SORCS1: variants seen among roughly 807,000 people sequenced by gnomAD.
SORCS1 encodes the protein VPS10 domain-containing receptor SorCS1.
SORCS1 carries 60 observed loss-of-function variants against 146.1 expected under a neutral mutation model. The ratio of observed to expected loss-of-function variants is 0.41; its 90% CI spans 0.33 to 0.51. SORCS1 has a LOEUF of 0.51. Ranked by LOEUF, SORCS1 falls within the 20% of genes least tolerant of loss-of-function variation. SORCS1 has a pLI of 0.21. For missense variants in SORCS1, 1,352 were observed against 1,487.6 expected (o/e 0.91, Z 1.50); for synonymous variants, 637 against 584.0 (o/e 1.09, Z -1.31).
intron 2 of SORCS1, among the ~76,000 whole-genome samples, chr10:106,864,415 C>T (rs909456631): frequency 6.6e-6 from 1 of 152,152 alleles, no homozygotes; most frequent in Non-Finnish European, 1.5e-5. Context: ...TGAACCCACT[C>T]CACCATGGCC....
At chr10:106,664,291 GA>G (rs2135403690) in intron 17 of SORCS1, among the ~76,000 whole-genome samples, 1 of 152,168 alleles carries the variant, frequency 6.6e-6, no homozygotes, top group East Asian at 1.9e-4. Flanking sequence ...TATTCTTTTT[GA>G]ATATAAAATT....
chr10:106,762,797 A>G (rs1041861502), intron 4 of SORCS1, among the ~76,000 whole-genome samples: 2 of 151,720 alleles, frequency 1.3e-5, no homozygotes, highest in Non-Finnish European at 2.9e-5. Flanking sequence ...ATGGGTGACA[A>G]CTCCCCTCAT....
intron 3 of SORCS1, among the ~76,000 whole-genome samples, chr10:106,806,057 C>A (rs1372815603): frequency 6.3e-5 from 4 of 63,350 alleles, no homozygotes; most frequent in Non-Finnish European, 1.4e-4. Context: ...TAGACTCCGT[C>A]TCAAAAAAAA....
chr10:107,047,320 A>G (rs1312742214), intron 1 of SORCS1, among the ~76,000 whole-genome samples: 1 of 152,172 alleles, frequency 6.6e-6, no homozygotes, highest in East Asian at 1.9e-4. Flanking sequence ...TAAAGTCCAG[A>G]TGTCAGTAGA....
chr10:106,674,308 G>A (rs1056182888), intron 14 of SORCS1, among the ~76,000 whole-genome samples: 19 of 89,776 alleles, frequency 2.1e-4, no homozygotes, highest in Admixed American at 2.0e-3. Flanking sequence ...CAGCCTGGGC[G>A]ACAGAGTAAG....
intron 8 of SORCS1, among the ~76,000 whole-genome samples, chr10:106,705,834 G>A (rs1455381492): frequency 1.3e-5 from 2 of 152,142 alleles, no homozygotes; most frequent in Non-Finnish European, 2.9e-5. Context: ...AACAGTTGAG[G>A]GTCTTTAACT....
At chr10:106,826,088 G>A (rs1419964393) in intron 3 of SORCS1, among the ~76,000 whole-genome samples, 1 of 152,198 alleles carries the variant, frequency 6.6e-6, no homozygotes, top group Non-Finnish European at 1.5e-5. Flanking sequence ...TCTGATCCCC[G>A]GTAGTACCCC....
At chr10:106,825,868 C>T (rs552363806) in intron 3 of SORCS1, among the ~76,000 whole-genome samples, 5 of 152,262 alleles carry the variant, frequency 3.3e-5, no homozygotes, top group African/African-American at 1.2e-4. Context: ...TGCAGGTTTC[C>T]TTTGAAAGAA....
chr10:106,713,488 C>A (rs1430147697), intron 6 of SORCS1, among the ~76,000 whole-genome samples: 1 of 150,688 alleles, frequency 6.6e-6, no homozygotes, highest in Admixed American at 6.6e-5. Context: ...AATAACATAC[C>A]CTTTTCATGT....
intron 1 of SORCS1, among the ~76,000 whole-genome samples, chr10:107,014,210 C>T (rs553707265): frequency 2.0e-5 from 3 of 146,888 alleles, no homozygotes; most frequent in Admixed American, 1.4e-4. Flanking sequence ...CAAGATCATG[C>T]CACTGCATTC....
At chr10:107,133,065 A>C (rs1343172668) in intron 1 of SORCS1, among the ~76,000 whole-genome samples, 1 of 152,194 alleles carries the variant, frequency 6.6e-6, no homozygotes, top group African/African-American at 2.4e-5. Flanking sequence ...AAGACGTACA[A>C]ATTTATTACA....
In SORCS1 at chr10:107,124,953, CTT is replaced by C. The variant is rs577523339; in HGVS notation, c.558+39014_558+39015del. ...TCTTTTCTTTCTTTCTTTTCTTTTT[CTT>C]TTTTTTTTTTTTTTTTGAGATGGAG... On this transcript the variant is annotated intron_variant, in intron 1 of 25. Transcript: ENST00000263054. Among the ~76,000 whole-genome samples, 783 of 121,586 alleles carry C rather than the reference CTT, an allele frequency of 6.4e-3. 7 individuals carry two copies. Among genetic ancestry groups the C allele is most frequent in the African/African-American group, 0.024 (718 of 30,192 alleles). The allele number at this position is 121,586 out of a possible 152,430, so 79.8% of individuals were successfully genotyped here.
At chr10:107,163,204 T>A (rs568246759) in intron 1 of SORCS1, among the ~76,000 whole-genome samples, 11 of 152,316 alleles carry the variant, frequency 7.2e-5, no homozygotes, top group African/African-American at 2.6e-4. Flanking sequence ...GTTAAGTCTT[T>A]ATTTGTGCTC....
intron 1 of SORCS1, among the ~76,000 whole-genome samples, chr10:107,115,753 T>C (rs1255743327): frequency 6.6e-6 from 1 of 151,568 alleles, no homozygotes; most frequent in Non-Finnish European, 1.5e-5. Context: ...CAAATGGGAG[T>C]ACATAAAACC....
intron 5 of SORCS1, among the ~76,000 whole-genome samples, chr10:106,757,192 A>G (rs964065271): frequency 6.6e-5 from 10 of 152,206 alleles, no homozygotes; most frequent in Non-Finnish European, 1.5e-5. Context: ...TGGCATGACC[A>G]TTGCTACCAG....
chr10:106,683,003 G>C (rs936411838), intron 10 of SORCS1, among the ~76,000 whole-genome samples: 1 of 152,152 alleles, frequency 6.6e-6, no homozygotes, highest in African/African-American at 2.4e-5. Context: ...GGAGCAACTA[G>C]ACTGTTAGTC....
intron 4 of SORCS1, 131 bp from the exon 5 acceptor site, chr10:106,761,792 G>C: frequency 1.4e-6 from 1 of 724,702 alleles, no homozygotes; most frequent in South Asian, 1.7e-5. Context: ...TACAAGGTGA[G>C]TGCTCCATGT....
chr10:106,709,308 C>G lies in SORCS1; in HGVS notation c.1058G>C (p.Cys353Ser). 1.9e-6 allele frequency: 3 copies of G among 1,613,786 alleles called. No individual in the cohort carries two copies. Among genetic ancestry groups the G allele is most frequent in the Non-Finnish European group, 2.5e-6 (3 of 1,179,832 alleles). Residue 353 changes from cysteine to serine, a missense_variant, in exon 7 of 26, where the codon TGT (cysteine) becomes TCT (serine). Transcript: ENST00000263054. ...SHYLTCRMQNCTEANRNQPFP... is the reference protein window; with the variant it reads ...SHYLTCRMQNSTEANRNQPFP... ...AGGCTGATTCCTGTTGGCCTCTGTA[C>G]AGTTCTGCATTCGGCAAGTTAGATA...
chr10:106,597,285 G>C, intron 24 of SORCS1, 66 bp downstream of exon 24: 4 of 1,289,160 alleles, frequency 3.1e-6, no homozygotes, highest in Non-Finnish European at 4.5e-6. Flanking sequence ...TTATGAGGAA[G>C]GAAGCACGGA....
Sources: allele counts gnomAD v4.1 joint callset (sites outside exome capture counted in the v4.1 genomes callset), GRCh38; gene constraint gnomAD v4.1.1; transcripts MANE v1.5; gene names NCBI Gene and HGNC (gene_info 2026-07-23, HGNC 2026-07-21).